The following PIKFYVE variants were observed in gnomAD, a reference collection of about 807,000 sequenced individuals.
PIKFYVE encodes the protein 1-phosphatidylinositol 3-phosphate 5-kinase.
Under a neutral mutation model 257.9 loss-of-function variants are expected in PIKFYVE, and 122 were observed. The observed-to-expected ratio is 0.47, with a 90% CI of 0.41 to 0.55. The LOEUF (loss-of-function observed/expected upper bound fraction) is 0.55, where lower values mean the gene tolerates loss of function less well. Among genes scored for constraint, PIKFYVE ranks in the 20% least tolerant of loss-of-function variants. The pLI is 0.00. For missense variants in PIKFYVE, 2,160 were observed against 2,536.6 expected, an observed-to-expected ratio of 0.85 and a Z score of 3.19; for synonymous variants, 892 against 868.9, an observed-to-expected ratio of 1.03 and a Z score of -0.47.
At chr2:208,319,382 TACC>T (rs1695939715) in intron 16 of PIKFYVE, among the ~76,000 whole-genome samples, 1 of 152,212 alleles carries the variant, frequency 6.6e-6, no homozygotes. Context: ...AACCACACAT[TACC>T]CTTTAAAGGA....
intron 7 of PIKFYVE, among the ~76,000 whole-genome samples, chr2:208,290,322 C>G (rs184551831): frequency 6.6e-6 from 1 of 152,316 alleles, no homozygotes; most frequent in Non-Finnish European, 1.5e-5. Context: ...ATCTTTTTTA[C>G]TGTCTCCATA....
intron 16 of PIKFYVE, among the ~76,000 whole-genome samples, chr2:208,319,270 C>T (rs1025674369): frequency 1.1e-4 from 16 of 152,094 alleles, no homozygotes; most frequent in African/African-American, 3.9e-4. Context: ...TATTAGTGAC[C>T]ATAGATAAAT....
Position 208,352,645 on chromosome 2 carries a change from C to G in PIKFYVE, c.5716-9C>G. 6.2e-7 allele frequency: 1 copy of G among 1,612,790 alleles called. No homozygotes were observed. Among genetic ancestry groups the G allele is most frequent in the Non-Finnish European group, 8.5e-7 (1 of 1,179,336 alleles). The stretch of plus-strand genomic sequence containing the variant: ...TGATAAGAATTTATTTTGACCTTCT[C>G]TTGATTAGAGGCCCACGGCGTTGGC... On this transcript the variant is annotated splice_polypyrimidine_tract_variant and intron_variant, in intron 38 of 41. Coordinates refer to ENST00000264380, the MANE Select transcript of PIKFYVE (RefSeq NM_015040.4).
intron 5 of PIKFYVE, among the ~76,000 whole-genome samples, chr2:208,279,512 C>A (rs966136999): frequency 6.6e-6 from 1 of 152,180 alleles, no homozygotes; most frequent in African/African-American, 2.4e-5. Context: ...AGGTTTTCTT[C>A]TAGGACTTTC....
At chr2:208,352,408 T>A (rs1699856553) in intron 38 of PIKFYVE, among the ~76,000 whole-genome samples, 1 of 152,168 alleles carries the variant, frequency 6.6e-6, no homozygotes, top group Non-Finnish European at 1.5e-5. Flanking sequence ...TTACATGTCA[T>A]AATGAAGTTT....
intron 6 of PIKFYVE, among the ~76,000 whole-genome samples, chr2:208,288,106 A>G (rs1236067779): frequency 6.6e-6 from 1 of 152,212 alleles, no homozygotes; most frequent in African/African-American, 2.4e-5. Context: ...TAACAAAACA[A>G]ATCAGGTAAG....
intron 1 of PIKFYVE, among the ~76,000 whole-genome samples, chr2:208,266,751 C>G (rs1688686588): frequency 6.6e-6 from 1 of 152,204 alleles, no homozygotes; most frequent in African/African-American, 2.4e-5. Context: ...TTACTTTTCC[C>G]TCTGAGTGCA....
intron 3 of PIKFYVE, among the ~76,000 whole-genome samples, chr2:208,274,335 T>G (rs1001986928): frequency 6.6e-6 from 1 of 152,132 alleles, no homozygotes; most frequent in Middle Eastern, 3.2e-3. Context: ...AATTGAGAGA[T>G]TAGAAAAAGA....
In PIKFYVE at chr2:208,320,202, T is replaced by G. The variant is rs1393972181; in HGVS notation, c.2083-50T>G. 5 of 1,589,316 alleles carry G rather than the reference T, an allele frequency of 3.1e-6. No homozygotes were observed. The African/African-American group carries it at 5.4e-5, about 17-fold the overall frequency. On this transcript the variant is annotated intron_variant, in intron 16 of 41. Coordinates refer to ENST00000264380, the MANE Select transcript of PIKFYVE (RefSeq NM_015040.4). ...TTTAAAGTTATAATTAAAGGAGGGC[T>G]GTAAAATGCAAACCTTTAAACACTT...
At chr2:208,314,513 A>G in intron 14 of PIKFYVE, 90 bp downstream of exon 14, 1 of 1,403,786 alleles carries the variant, frequency 7.1e-7, no homozygotes, top group Non-Finnish European at 9.8e-7. Flanking sequence ...TTAAAAAGGG[A>G]GGTCTTTTTC....
At chr2:208,269,400 C>T (rs1689115151) in intron 1 of PIKFYVE, 2 of 232,750 alleles carry the variant, frequency 8.6e-6, no homozygotes, top group South Asian at 6.7e-5. Flanking sequence ...CATGTCCTGC[C>T]AGAACAGTCT....
Position 208,273,708 on chromosome 2 carries a change from A to G in PIKFYVE, c.297A>G (p.Glu99=). The G allele has an allele frequency of 6.2e-7, 1 of 1,613,948 alleles. No homozygotes were observed. The highest frequency in any genetic ancestry group is 1.1e-5 in the South Asian group (1 of 91,078). Residue 99 remains glutamate (E), a synonymous_variant, in exon 3 of 42, where the codon GAA becomes GAG. Transcript: ENST00000264380. ...PTPYKKQLNE[E]LQRRSSALDT... ...CTTATAAAAAGCAGCTTAATGAGGA[A>G]CTCCAGCGGCGCTCTTCAGCATTAG...
At chr2:208,275,678 A>G (rs1234931577) in intron 3 of PIKFYVE, among the ~76,000 whole-genome samples, 1 of 152,114 alleles carries the variant, frequency 6.6e-6, no homozygotes, top group Non-Finnish European at 1.5e-5. Context: ...CCAACCTCTC[A>G]TTTCTTTGTA....
intron 24 of PIKFYVE, among the ~76,000 whole-genome samples, chr2:208,334,906 C>T (rs1697963111): frequency 6.6e-6 from 1 of 151,894 alleles, no homozygotes; most frequent in Non-Finnish European, 1.5e-5. Flanking sequence ...ATTTATTAGT[C>T]GATATAAACC....
chr2:208,337,726 A>AT (rs1231261817), intron 28 of PIKFYVE, among the ~76,000 whole-genome samples: 83 of 148,250 alleles, frequency 5.6e-4, no homozygotes, highest in South Asian at 1.1e-3. Flanking sequence ...CTCTGCAAAA[A>AT]TTTTTTTTTT....
rs531022299 is a variant in PIKFYVE, at chr2:208,324,763, A to T, written c.2332-148A>T. 2.5e-5 allele frequency: 24 copies of T among 956,904 alleles called. No homozygotes were observed. In the Admixed American group the frequency reaches 4.3e-4, roughly 17 times the overall value. The allele number at this position is 956,904 out of a possible 1,614,324, so 59.3% of individuals were successfully genotyped here. ...TTACTAAGCAACTAAGTGTAGAAGA[A>T]TCCAGAATAAAAAAATTCATCATAT... On this transcript the variant is annotated intron_variant, in intron 18 of 41. Coordinates refer to ENST00000264380, the MANE Select transcript of PIKFYVE (RefSeq NM_015040.4).
chr2:208,332,675 TAA>T (rs1697681499), intron 23 of PIKFYVE, among the ~76,000 whole-genome samples: 1 of 152,120 alleles, frequency 6.6e-6, no homozygotes, highest in African/African-American at 2.4e-5. Flanking sequence ...TATTGCTAAG[TAA>T]AAGATTATGA....
intron 23 of PIKFYVE, among the ~76,000 whole-genome samples, chr2:208,331,889 T>TA (rs1008345503): frequency 6.6e-6 from 1 of 152,226 alleles, no homozygotes; most frequent in African/African-American, 2.4e-5. Flanking sequence ...AGTTAGCTGG[T>TA]AATAGTTTGT....
chr2:208,344,974 C>T (rs1474440624), intron 32 of PIKFYVE, 137 bp from the exon 33 acceptor site: 3 of 659,582 alleles, frequency 4.5e-6, no homozygotes, highest in Non-Finnish European at 8.0e-6. Context: ...TTGCTTTTGT[C>T]AGTTAACCAA....
Sources: allele counts gnomAD v4.1 joint callset (sites outside exome capture counted in the v4.1 genomes callset), GRCh38; gene constraint gnomAD v4.1.1; transcripts MANE v1.5; gene names NCBI Gene and HGNC (gene_info 2026-07-23, HGNC 2026-07-21).